The following RFTN1 variants were observed in gnomAD, a reference collection of about 807,000 sequenced individuals.
The protein encoded by RFTN1 is raftlin, lipid raft linker 1, also known as raftlin.
A neutral mutation model predicts 46.5 loss-of-function variants in RFTN1; 26 were observed. The observed-to-expected ratio is 0.56, with a 90% CI of 0.41 to 0.78. The LOEUF (loss-of-function observed/expected upper bound fraction) is 0.78. RFTN1 is among the 30% of genes least tolerant of loss of function. The pLI is 0.00. For synonymous variants in RFTN1, 261 were observed against 284.2 expected (o/e 0.92, Z 0.82); for missense variants, 693 against 718.7 (o/e 0.96, Z 0.41).
At chr3:16,366,583 A>G (rs895278498) in intron 6 of RFTN1, among the ~76,000 whole-genome samples, 1 of 151,654 alleles carries the variant, frequency 6.6e-6, no homozygotes, top group Admixed American at 6.6e-5. Flanking sequence ...TTCCTTTTCT[A>G]TCCCGCCCAC....
chr3:16,377,518 A>C (rs690049), intron 5 of RFTN1, among the ~76,000 whole-genome samples, 200 bp downstream of exon 5: 1 of 151,994 alleles, frequency 6.6e-6, no homozygotes, highest in Admixed American at 6.5e-5. Flanking sequence ...TGTGGTTCTG[A>C]ACTCCCCAGA....
At chr3:16,493,988 CA>C in intron 1 of RFTN1, 111 bp from the exon 2 acceptor site, 1 of 1,190,492 alleles carries the variant, frequency 8.4e-7, no homozygotes, top group Non-Finnish European at 1.2e-6. Context: ...TGACAGACCT[CA>C]GCCCTTATGA....
Position 16,323,782 on chromosome 3 carries a change from G to A in RFTN1, c.1251-325C>T, listed in dbSNP as rs372070302. ...GCTTCAGTGGATCTCAAAGGGGCAG[G>A]GGCCTTTTCCAAATCTGTCTCTGGT... On this transcript the variant is annotated intron_variant, in intron 8 of 9. Transcript: ENST00000334133. Among the ~76,000 whole-genome samples the A allele has an allele frequency of 1.1e-3, 162 of 152,316 alleles. 2 individuals are homozygous for A. Among genetic ancestry groups the A allele is most frequent in the African/African-American group, 3.6e-3 (150 of 41,574 alleles).
intron 3 of RFTN1, among the ~76,000 whole-genome samples, chr3:16,415,420 T>TACACACACACACACACACAC (rs2075054608): frequency 2.1e-5 from 2 of 94,340 alleles, no homozygotes; most frequent in Non-Finnish European, 5.3e-5. Context: ...TATATATATA[T>TACACACACACACACACACAC]ATATATATAT....
intron 7 of RFTN1, among the ~76,000 whole-genome samples, chr3:16,340,989 G>A (rs2071280398): frequency 6.6e-6 from 1 of 152,136 alleles, no homozygotes; most frequent in Admixed American, 6.5e-5. Flanking sequence ...ATTTAAAAAT[G>A]GGCAAAAGTT....
intron 1 of RFTN1, among the ~76,000 whole-genome samples, chr3:16,508,062 C>T (rs1212224797): frequency 6.6e-6 from 1 of 152,164 alleles, no homozygotes. Flanking sequence ...AAGAGTTTGT[C>T]GGCATCAAAC....
chr3:16,397,344 A>G (rs2074492973), intron 4 of RFTN1, among the ~76,000 whole-genome samples: 1 of 152,210 alleles, frequency 6.6e-6, no homozygotes, highest in Non-Finnish European at 1.5e-5. Flanking sequence ...TTACTATGGC[A>G]GAAAGGAAAT....
chr3:16,316,939 G>T lies in RFTN1; in HGVS notation c.1626C>A (p.Ser542Arg). ...AAATCCCCACCAGGGCCCTGCTGTG[G>T]CTGGCAGGACCATTCTGCACAGCCT... is the stretch of plus-strand genomic sequence containing the variant. ...EGEAVQNGPASHSRALVGICT... is the reference protein window; with the variant it reads ...EGEAVQNGPARHSRALVGICT... The change falls in exon 10 of 10, where the codon AGC becomes AGA. Residue 542 changes from serine (S) to arginine (R), a missense_variant. Coordinates refer to ENST00000334133, the MANE Select transcript of RFTN1 (RefSeq NM_015150.2). This position sits in a 1 kb window ranked among gnomAD's most constrained non-coding sequence, Gnocchi z 4.5. 1.2e-6 allele frequency: 2 copies of T among 1,614,020 alleles called. No individual in the cohort carries two copies. The highest frequency in any genetic ancestry group is 1.7e-6 in the Non-Finnish European group (2 of 1,180,000).
intron 3 of RFTN1, among the ~76,000 whole-genome samples, chr3:16,431,471 G>A (rs982343299): frequency 9.9e-5 from 15 of 151,492 alleles, no homozygotes; most frequent in Non-Finnish European, 2.1e-4. Flanking sequence ...GCACATTAAA[G>A]TTTGAGAAGT....
At chr3:16,363,652 T>C (rs1282411327) in intron 6 of RFTN1, among the ~76,000 whole-genome samples, 6 of 152,250 alleles carry the variant, frequency 3.9e-5, no homozygotes, top group South Asian at 2.1e-4. Context: ...AGCCTGAATG[T>C]GCATGCCATG....
At chr3:16,462,128 G>T (rs146426270) in intron 2 of RFTN1, among the ~76,000 whole-genome samples, 1 of 152,214 alleles carries the variant, frequency 6.6e-6, no homozygotes, top group South Asian at 2.1e-4. Flanking sequence ...CCACTTACTA[G>T]CTGAATGGCC....
In RFTN1 at chr3:16,322,237, C is replaced by T. The variant is rs1165771639; in HGVS notation, c.1332+1139G>A. ...CATTGTGCCGTCACCTGTCACATTA[C>T]ACCTTCAGAGCCTGGAGAAAGACCT... On this transcript the variant is annotated intron_variant, in intron 9 of 9. Coordinates refer to ENST00000334133, the MANE Select transcript of RFTN1 (RefSeq NM_015150.2). This position sits in a 1 kb window ranked among gnomAD's most constrained non-coding sequence, Gnocchi z 6.2. 2.0e-5 allele frequency among the ~76,000 whole-genome samples: 3 copies of T among 152,224 alleles called. No individual in the cohort carries two copies. The highest frequency in any genetic ancestry group is 4.8e-5 in the African/African-American group (2 of 41,462).
In RFTN1 at chr3:16,422,674, C is replaced by A. The variant is rs1386671885; in HGVS notation, c.332+11177G>T. 1.3e-5 allele frequency among the ~76,000 whole-genome samples: 2 copies of A among 149,806 alleles called. No homozygotes were observed. The highest frequency in any genetic ancestry group is 4.9e-5 in the African/African-American group (2 of 40,910). ...CCCTACTGGATGTTAACATACATTA[C>A]AAATTTATTATCATCAAAATAACAT... On this transcript the variant is annotated intron_variant, in intron 3 of 9. Coordinates refer to ENST00000334133, the MANE Select transcript of RFTN1 (RefSeq NM_015150.2). The surrounding 1 kb of genome is among the most constrained non-coding windows in gnomAD (Gnocchi z 4.6).
chr3:16,343,573 A>T (rs2071450896), intron 7 of RFTN1, among the ~76,000 whole-genome samples: 1 of 152,220 alleles, frequency 6.6e-6, no homozygotes, highest in South Asian at 2.1e-4. Flanking sequence ...GTCATGGTGG[A>T]ACCTAAGACT....
In RFTN1 at chr3:16,317,366, G is replaced by T; in HGVS notation, c.1333-134C>A. The T allele has an allele frequency of 1.1e-6, 1 of 907,954 alleles. No individual in the cohort carries two copies. Among genetic ancestry groups the T allele is most frequent in the Non-Finnish European group, 1.7e-6 (1 of 601,170 alleles). 56.2% of individuals were successfully genotyped at this position (907,954 alleles called of 1,614,324 possible). On this transcript the variant is annotated intron_variant, in intron 9 of 9. Coordinates refer to ENST00000334133, the MANE Select transcript of RFTN1 (RefSeq NM_015150.2). The surrounding 1 kb of genome is among the most constrained non-coding windows in gnomAD (Gnocchi z 4.3). Reference sequence around the variant, plus strand: ...ATTCCCAGCATCCCCCAGCCAGGCAGTACAGGCACCAAACTTGAATCGCAC... The same window carrying T: ...ATTCCCAGCATCCCCCAGCCAGGCATTACAGGCACCAAACTTGAATCGCAC...
chr3:16,359,330 G>A (rs1020297922), intron 6 of RFTN1, among the ~76,000 whole-genome samples: 1 of 152,120 alleles, frequency 6.6e-6, no homozygotes, highest in African/African-American at 2.4e-5. Context: ...TAATATTATG[G>A]ACTGAATTGT....
At chr3:16,467,067 A>G (rs2076107869) in intron 2 of RFTN1, among the ~76,000 whole-genome samples, 1 of 152,122 alleles carries the variant, frequency 6.6e-6, no homozygotes, top group South Asian at 2.1e-4. Context: ...TAGTCTAATG[A>G]TGTGTGAGAG....
At chr3:16,495,695 C>A (rs2076613183) in intron 1 of RFTN1, among the ~76,000 whole-genome samples, 1 of 152,158 alleles carries the variant, frequency 6.6e-6, no homozygotes, top group Admixed American at 6.5e-5. Flanking sequence ...GTTTGGCAGG[C>A]CAGAGAGGCA....
intron 1 of RFTN1, 44 bp from the exon 2 acceptor site, chr3:16,493,921 G>C: frequency 1.2e-6 from 2 of 1,610,440 alleles, no homozygotes; most frequent in Non-Finnish European, 1.7e-6. Context: ...TTTTTTCTGA[G>C]ATTTTGTCTT....
Sources: gnomAD v4.1 joint callset for allele counts (sites outside exome capture counted in the v4.1 genomes callset) on GRCh38, gnomAD v4.1.1 for gene constraint, Gnocchi (gnomAD v3.1) non-coding constraint, MANE v1.5 for transcripts, NCBI Gene and HGNC (gene_info 2026-07-23, HGNC 2026-07-21) for gene names.